Variants in EXOC4 observed in about 807,000 individuals in gnomAD.
EXOC4 encodes exocyst complex component 4, also known as SEC8-like 1.
EXOC4 carries 71 observed loss-of-function variants against 107.2 expected under a neutral mutation model. That is an observed-to-expected ratio of 0.66 (90% CI 0.55 to 0.81). The LOEUF (loss-of-function observed/expected upper bound fraction) is 0.81. EXOC4 is among the 30% of genes least tolerant of loss of function. The pLI, the probability that EXOC4 is intolerant of heterozygous loss-of-function variation, is 0.00. For synonymous variants in EXOC4, 456 were observed against 441.2 expected, an observed-to-expected ratio of 1.03 and a Z score of -0.42; for missense variants, 1,108 against 1,189.6, an observed-to-expected ratio of 0.93 and a Z score of 1.01.
intron 17 of EXOC4, among the ~76,000 whole-genome samples, chr7:134,040,995 A>G (rs1378688449): frequency 2.0e-5 from 3 of 152,128 alleles, no homozygotes; most frequent in Admixed American, 6.5e-5. Flanking sequence ...ACCCTCTAAT[A>G]AAGCCGAACC....
chr7:133,598,307 A>C (rs1801729194), intron 9 of EXOC4, among the ~76,000 whole-genome samples: 2 of 152,242 alleles, frequency 1.3e-5, no homozygotes, highest in Non-Finnish European at 2.9e-5. Context: ...TAGTGAACAG[A>C]TGATCAATTA....
chr7:133,926,653 A>G (rs2116678697), intron 13 of EXOC4, among the ~76,000 whole-genome samples: 1 of 152,348 alleles, frequency 6.6e-6, no homozygotes, highest in African/African-American at 2.4e-5. Context: ...AAGAAAAAAT[A>G]ATAATCGTTG....
At chr7:133,985,166 T>A (rs960396222) in intron 14 of EXOC4, among the ~76,000 whole-genome samples, 1 of 152,182 alleles carries the variant, frequency 6.6e-6, no homozygotes, top group Non-Finnish European at 1.5e-5. Flanking sequence ...TAAAAAGTTA[T>A]ATTGTCCATA....
At chr7:133,341,275 A>G (rs1032771548) in intron 5 of EXOC4, among the ~76,000 whole-genome samples, 85 of 152,174 alleles carry the variant, frequency 5.6e-4, no homozygotes, top group African/African-American at 2.1e-3. Context: ...TTCCATCTTG[A>G]TTTCCTTGTT....
intron 9 of EXOC4, among the ~76,000 whole-genome samples, chr7:133,579,852 A>G (rs1046529076): frequency 6.6e-6 from 1 of 151,894 alleles, no homozygotes; most frequent in African/African-American, 2.4e-5. Flanking sequence ...ACGCCCAGCT[A>G]ATTTTTTGTA....
At chr7:133,666,554 A>T (rs1374084564) in intron 10 of EXOC4, among the ~76,000 whole-genome samples, 2 of 152,136 alleles carry the variant, frequency 1.3e-5, no homozygotes, top group Non-Finnish European at 2.9e-5. Context: ...GGATGGAAAC[A>T]TTCAAAATCT....
chr7:133,650,499 TAAAA>T (rs1332024105), intron 10 of EXOC4, among the ~76,000 whole-genome samples: 1 of 152,044 alleles, frequency 6.6e-6, no homozygotes, highest in South Asian at 2.1e-4. Flanking sequence ...TTTTTTTAAA[TAAAA>T]AAAGCCAGAA....
intron 14 of EXOC4, among the ~76,000 whole-genome samples, chr7:133,961,565 A>T (rs541668397): frequency 1.3e-5 from 2 of 152,262 alleles, no homozygotes; most frequent in East Asian, 3.9e-4. Context: ...TGCTGGGATA[A>T]CAGGCATGAG....
intron 11 of EXOC4, among the ~76,000 whole-genome samples, chr7:133,865,152 T>G (rs1253295132): frequency 1.3e-5 from 2 of 152,158 alleles, no homozygotes; most frequent in Non-Finnish European, 2.9e-5. Context: ...GATGTTATCT[T>G]TCTCTAATTT....
chr7:133,655,979 C>T (rs1470021445), intron 10 of EXOC4, among the ~76,000 whole-genome samples: 2 of 152,116 alleles, frequency 1.3e-5, no homozygotes, highest in Non-Finnish European at 2.9e-5. Flanking sequence ...AGCATCAGCA[C>T]AATACATGAG....
At chr7:133,392,042 A>G (rs1796864810) in intron 7 of EXOC4, among the ~76,000 whole-genome samples, 1 of 152,232 alleles carries the variant, frequency 6.6e-6, no homozygotes, top group Admixed American at 6.5e-5. Context: ...TAAGAAATAC[A>G]TAGTATAAAC....
chr7:133,623,895 A>G (rs1024893649), intron 9 of EXOC4, among the ~76,000 whole-genome samples: 3 of 152,202 alleles, frequency 2.0e-5, no homozygotes, highest in Non-Finnish European at 4.4e-5. Flanking sequence ...TGCTTTAAGA[A>G]TAAGCACTTA....
chr7:133,919,737 C>T (rs1435411485), intron 13 of EXOC4, among the ~76,000 whole-genome samples: 1 of 151,984 alleles, frequency 6.6e-6, no homozygotes, highest in African/African-American at 2.4e-5. Flanking sequence ...TCTTTTTTAT[C>T]TCTGAATTAT....
At chr7:133,988,045 G>T (rs1794158048) in intron 14 of EXOC4, among the ~76,000 whole-genome samples, 1 of 152,182 alleles carries the variant, frequency 6.6e-6, no homozygotes, top group African/African-American at 2.4e-5. Flanking sequence ...ATGACAGTTT[G>T]TATGTTGACT....
intron 10 of EXOC4, among the ~76,000 whole-genome samples, chr7:133,743,757 C>T (rs1044141572): frequency 2.0e-5 from 3 of 152,150 alleles, no homozygotes; most frequent in African/African-American, 7.2e-5. Flanking sequence ...ATCAACAAGC[C>T]ACACACATTG....
At chr7:133,320,144 G>A (rs563959124) in intron 5 of EXOC4, among the ~76,000 whole-genome samples, 111 of 152,180 alleles carry the variant, frequency 7.3e-4, no homozygotes, top group African/African-American at 2.5e-3. Flanking sequence ...CTTCTAACCA[G>A]TTTGTTTTGC....
At chr7:133,307,847 A>G (rs1794787916) in intron 4 of EXOC4, among the ~76,000 whole-genome samples, 1 of 152,214 alleles carries the variant, frequency 6.6e-6, no homozygotes, top group South Asian at 2.1e-4. Flanking sequence ...ACTGAAGATC[A>G]GCAGACCTGC....
At chr7:133,882,182 T>C (rs569097860) in intron 11 of EXOC4, among the ~76,000 whole-genome samples, 1 of 152,246 alleles carries the variant, frequency 6.6e-6, no homozygotes, top group Non-Finnish European at 1.5e-5. Context: ...TGTTAACTGC[T>C]AGTTTGCTCT....
intron 5 of EXOC4, among the ~76,000 whole-genome samples, chr7:133,328,371 CT>C (rs1196226397): frequency 6.6e-6 from 1 of 152,060 alleles, no homozygotes; most frequent in African/African-American, 2.4e-5. Context: ...TGGGTCTTGA[CT>C]TTTTATCCAA....
Sources: gnomAD v4.1 joint callset for allele counts (sites outside exome capture counted in the v4.1 genomes callset) on GRCh38, gnomAD v4.1.1 for gene constraint, MANE v1.5 for transcripts, NCBI Gene and HGNC (gene_info 2026-07-23, HGNC 2026-07-21) for gene names.